Variants in INPP4B observed in about 807,000 individuals in gnomAD.
The protein encoded by INPP4B is inositol polyphosphate 4-phosphatase type II.
Under a neutral mutation model 122.5 loss-of-function variants are expected in INPP4B, and 55 were observed. That is an observed-to-expected ratio of 0.45 (90% CI 0.36 to 0.56). INPP4B has a LOEUF of 0.56. Ranked by LOEUF, INPP4B falls within the 20% of genes least tolerant of loss-of-function variation. The pLI, the probability that INPP4B is intolerant of heterozygous loss-of-function variation, is 0.00. For missense variants in INPP4B, 1,000 were observed against 1,097.7 expected, an observed-to-expected ratio of 0.91 and a Z score of 1.26; for synonymous variants, 403 against 388.7, an observed-to-expected ratio of 1.04 and a Z score of -0.43.
At chr4:142,545,739 A>ATATATATACACATGTATATG (rs1353062147) in intron 2 of INPP4B, among the ~76,000 whole-genome samples, 2 of 112,742 alleles carry the variant, frequency 1.8e-5, no homozygotes, top group African/African-American at 4.0e-5. Flanking sequence ...ATACACATAT[A>ATATATATACACATGTATATG]TGTGTATATA....
intron 7 of INPP4B, chr4:142,384,141 A>G (rs1298381928): frequency 4.3e-6 from 3 of 702,000 alleles, no homozygotes; most frequent in Non-Finnish European, 7.8e-6. Flanking sequence ...TGTGATCAGT[A>G]AGTTTCCAAT....
chr4:142,309,861 G>A (rs1281246784), intron 8 of INPP4B, among the ~76,000 whole-genome samples: 1 of 152,136 alleles, frequency 6.6e-6, no homozygotes, highest in Non-Finnish European at 1.5e-5. Context: ...AAAAAAAGTG[G>A]TGCATCTGTC....
At chr4:142,815,858 T>C (rs1419673221) in intron 1 of INPP4B, among the ~76,000 whole-genome samples, 28 of 152,254 alleles carry the variant, frequency 1.8e-4, no homozygotes. Flanking sequence ...TTTTCTTCCA[T>C]AGGTAGTTAT....
chr4:142,778,225 A>G (rs1336379712), intron 1 of INPP4B, among the ~76,000 whole-genome samples: 4 of 152,112 alleles, frequency 2.6e-5, no homozygotes, highest in Non-Finnish European at 4.4e-5. Flanking sequence ...GGTATTCAAT[A>G]TATGTTGACT....
chr4:142,180,389 T>G (rs1830240626), intron 15 of INPP4B, among the ~76,000 whole-genome samples: 1 of 152,168 alleles, frequency 6.6e-6, no homozygotes, highest in Admixed American at 6.5e-5. Flanking sequence ...TGACAATACT[T>G]TAAGAGAGTG....
At chr4:142,269,267 G>A (rs1433434920) in intron 10 of INPP4B, among the ~76,000 whole-genome samples, 1 of 149,792 alleles carries the variant, frequency 6.7e-6, no homozygotes, top group Non-Finnish European at 1.5e-5. Flanking sequence ...CCTCACTATG[G>A]GACCACTTAC....
intron 2 of INPP4B, among the ~76,000 whole-genome samples, chr4:142,664,882 G>A (rs1217657135): frequency 6.6e-6 from 1 of 152,082 alleles, no homozygotes; most frequent in Non-Finnish European, 1.5e-5. Flanking sequence ...TTTCATCATT[G>A]TGCCAACATC....
rs869099267 is a variant in INPP4B, at chr4:142,064,158, CAA to C, written c.2642+17871_2642+17872del. Among the ~76,000 whole-genome samples, 4 of 152,238 alleles carry C rather than the reference CAA, an allele frequency of 2.6e-5. No homozygotes were observed. In the East Asian group the frequency reaches 7.7e-4, roughly 29 times the overall value. ...TCCTTGCTACAACATTGTTGTACAG[CAA>C]AGTTATAATGGCTATTTTCTTCTGA... is the stretch of plus-strand genomic sequence containing the variant. On this transcript the variant is annotated intron_variant, in intron 25 of 25. Transcript: ENST00000262992.
At chr4:142,623,719 T>TCACCC (rs1337152712) in intron 2 of INPP4B, among the ~76,000 whole-genome samples, 1 of 102,880 alleles carries the variant, frequency 9.7e-6, no homozygotes, top group African/African-American at 3.8e-5. Context: ...CCCTCCCCCC[T>TCACCC]CACCCCACCC....
intron 1 of INPP4B, among the ~76,000 whole-genome samples, chr4:142,835,472 A>G (rs1782666768): frequency 6.6e-6 from 1 of 152,198 alleles, no homozygotes; most frequent in African/African-American, 2.4e-5. Flanking sequence ...GCTTATACGT[A>G]TGAAAAAAAT....
At chr4:142,788,874 G>C (rs1351808831) in intron 1 of INPP4B, among the ~76,000 whole-genome samples, 2 of 152,010 alleles carry the variant, frequency 1.3e-5, no homozygotes, top group Non-Finnish European at 2.9e-5. Flanking sequence ...TGATCAAAAA[G>C]ATAATCCACC....
At chr4:142,030,333 A>G (rs1327226802) in intron 25 of INPP4B, 4 of 1,527,530 alleles carry the variant, frequency 2.6e-6, no homozygotes, top group Non-Finnish European at 3.5e-6. Flanking sequence ...GGGGGGGAAA[A>G]GAAAATAGTA....
At position 142,086,192 on chromosome 4, in the gene INPP4B, G is replaced by A. The variant is rs781501051; in HGVS notation, c.2439C>T (p.Ile813=). The change falls in exon 24 of 26, where the codon ATC becomes ATT. Residue 813 remains isoleucine (I), a synonymous_variant. Coordinates refer to ENST00000262992, the MANE Select transcript of INPP4B (RefSeq NM_001101669.3). Reference sequence around the variant, plus strand: ...CTACATTCTTTCTTTTTTTGGATTGGATATTTTGAAGGAGATTTTCTAGCA... The same window carrying A: ...CTACATTCTTTCTTTTTTTGGATTGAATATTTTGAAGGAGATTTTCTAGCA... ...KALLENLLQN[I]QSKKRKNVEI... The A allele has an allele frequency of 1.0e-5, 16 of 1,604,348 alleles. No individual in the cohort carries two copies. Among genetic ancestry groups the A allele is most frequent in the South Asian group, 2.2e-5 (2 of 90,810 alleles).
intron 2 of INPP4B, among the ~76,000 whole-genome samples, chr4:142,479,235 T>C (rs1254660736): frequency 3.3e-5 from 5 of 152,072 alleles, no homozygotes; most frequent in Non-Finnish European, 7.4e-5. Context: ...CATTAATTGT[T>C]AGAAAAATGC....
At position 142,526,850 on chromosome 4, in the gene INPP4B, T is replaced by C. The variant is rs549675299; in HGVS notation, c.-190-64124A>G. Among the ~76,000 whole-genome samples, 11 of 54,992 alleles carry C rather than the reference T, an allele frequency of 2.0e-4. No individual in the cohort carries two copies. The South Asian group carries it at 6.6e-3, about 33-fold the overall frequency. The allele number at this position is 54,992 out of a possible 152,430, so 36.1% of individuals were successfully genotyped here. A position where few individuals can be genotyped will look rare whatever the true frequency, so the allele number is the denominator to read the frequency against. ...GTAAAAAGCAGGCCAATAAAACCTATTTTAAAATTCTCATTTATGTAACGT... is the reference window on the plus strand; with the variant it reads ...GTAAAAAGCAGGCCAATAAAACCTACTTTAAAATTCTCATTTATGTAACGT... On this transcript the variant is annotated intron_variant, in intron 2 of 25. Coordinates refer to ENST00000262992, the MANE Select transcript of INPP4B (RefSeq NM_001101669.3).
intron 5 of INPP4B, among the ~76,000 whole-genome samples, chr4:142,421,236 C>A (rs990774185): frequency 1.3e-5 from 2 of 152,062 alleles, no homozygotes; most frequent in African/African-American, 4.8e-5. Flanking sequence ...TTGGTGAATG[C>A]CTGTTCTGAA....
chr4:142,407,957 T>C (rs1184185792), intron 5 of INPP4B, among the ~76,000 whole-genome samples: 2 of 152,198 alleles, frequency 1.3e-5, no homozygotes, highest in Admixed American at 1.3e-4. Context: ...CAATATCTGG[T>C]GTTTTATTAT....
chr4:142,396,144 T>C (rs1022652069), intron 7 of INPP4B, among the ~76,000 whole-genome samples: 2 of 152,100 alleles, frequency 1.3e-5, no homozygotes, highest in African/African-American at 4.8e-5. Flanking sequence ...AAAAATTTTG[T>C]CAACAAAATG....
intron 16 of INPP4B, among the ~76,000 whole-genome samples, chr4:142,165,678 A>G (rs1561347160): frequency 6.6e-6 from 1 of 151,744 alleles, no homozygotes; most frequent in Non-Finnish European, 1.5e-5. Context: ...TATGTATCTA[A>G]TCCTTCCTCA....
Sources: allele counts gnomAD v4.1 joint callset (sites outside exome capture counted in the v4.1 genomes callset), GRCh38; gene constraint gnomAD v4.1.1; transcripts MANE v1.5; gene names NCBI Gene and HGNC (gene_info 2026-07-23, HGNC 2026-07-21).